The following RUNX1T1 variants were observed in gnomAD, a reference collection of about 807,000 sequenced individuals.
The protein encoded by RUNX1T1 is protein CBFA2T1.
A neutral mutation model predicts 62.8 loss-of-function variants in RUNX1T1; 4 were observed. That is an observed-to-expected ratio of 0.06 (90% CI 0.03 to 0.15). The LOEUF (loss-of-function observed/expected upper bound fraction) is 0.15, where lower values mean the gene tolerates loss of function less well. Among genes scored for constraint, RUNX1T1 ranks in the 10% least tolerant of loss-of-function variants. RUNX1T1 has a pLI of 1.00. For missense variants in RUNX1T1, 508 were observed against 754.3 expected, an observed-to-expected ratio of 0.67 and a Z score of 3.82; for synonymous variants, 291 against 286.0, an observed-to-expected ratio of 1.02 and a Z score of -0.18.
At chr8:91,998,387 G>C (rs1054451362) in intron 5 of RUNX1T1, among the ~76,000 whole-genome samples, 4 of 152,172 alleles carry the variant, frequency 2.6e-5, no homozygotes, top group African/African-American at 9.7e-5. Flanking sequence ...GAATGCCACA[G>C]GACCATCATT....
intron 10 of RUNX1T1, among the ~76,000 whole-genome samples, chr8:91,961,852 T>G (rs577042462): frequency 6.6e-6 from 1 of 152,330 alleles, no homozygotes; most frequent in African/African-American, 2.4e-5. Context: ...CTGACTACAA[T>G]CTGGTAACCC....
At chr8:91,989,870 C>T (rs191478941) in intron 6 of RUNX1T1, among the ~76,000 whole-genome samples, 96 of 152,226 alleles carry the variant, frequency 6.3e-4, no homozygotes, top group Admixed American at 1.4e-3. Flanking sequence ...ATGGTACCTG[C>T]GAGAACATTA....
chr8:91,958,554 C>A (rs566210600), downstream of RUNX1T1: 1 of 185,484 alleles, frequency 5.4e-6, no homozygotes, highest in East Asian at 8.6e-5. Context: ...AACGACCTTA[C>A]AGCAATATGC....
At chr8:92,041,957 T>C (rs1828552133) in intron 1 of RUNX1T1, among the ~76,000 whole-genome samples, 2 of 151,788 alleles carry the variant, frequency 1.3e-5, no homozygotes, top group South Asian at 4.2e-4. Context: ...TAGCTGGGAT[T>C]ACAGGCAACC....
At chr8:92,016,792 T>C (rs1823097277) in intron 2 of RUNX1T1, among the ~76,000 whole-genome samples, 5 of 152,236 alleles carry the variant, frequency 3.3e-5, no homozygotes, top group African/African-American at 7.2e-5. Flanking sequence ...TTTAACATTA[T>C]TTGTAACCAC....
intron 1 of RUNX1T1, among the ~76,000 whole-genome samples, chr8:92,048,433 C>A (rs74871082): frequency 0.061 from 9,354 of 152,126 alleles, 383 homozygotes; most frequent in Non-Finnish European, 0.094. Flanking sequence ...AATCTCAACA[C>A]TTTGAGAACC....
intron 10 of RUNX1T1, among the ~76,000 whole-genome samples, chr8:91,962,977 C>T (rs1277248378): frequency 2.6e-5 from 4 of 152,148 alleles, no homozygotes; most frequent in Non-Finnish European, 5.9e-5. Flanking sequence ...TCAATTTAAA[C>T]TGATTAAACA....
At chr8:91,990,868 G>C (rs758139624) in intron 6 of RUNX1T1, among the ~76,000 whole-genome samples, 2 of 152,034 alleles carry the variant, frequency 1.3e-5, no homozygotes, top group Non-Finnish European at 2.9e-5. Flanking sequence ...ATAATGCCCA[G>C]GCTGGTCTCA....
chr8:92,016,676 C>T lies in RUNX1T1; in HGVS notation c.145+550G>A, dbSNP rs149062724. ...GGTGACAGAGCGAGATTCTGTCCTCCCCCTCCACCCAAAAAAAAGGGCAAG... is the reference window on the plus strand; with the variant it reads ...GGTGACAGAGCGAGATTCTGTCCTCTCCCTCCACCCAAAAAAAAGGGCAAG... On this transcript the variant is annotated intron_variant, in intron 2 of 10. Transcript: ENST00000396218. 4.3e-4 allele frequency among the ~76,000 whole-genome samples: 65 copies of T among 152,044 alleles called. No homozygotes were observed. In the East Asian group the frequency reaches 8.1e-3, roughly 19 times the overall value.
intron 8 of RUNX1T1, among the ~76,000 whole-genome samples, chr8:91,982,791 C>T (rs564622039): frequency 6.6e-6 from 1 of 151,866 alleles, no homozygotes; most frequent in African/African-American, 2.4e-5. Context: ...AAAAGTCCTT[C>T]AAGATGTCAA....
At chr8:92,067,021 G>T (rs1199905391), upstream of RUNX1T1, among the ~76,000 whole-genome samples, 1 of 152,180 alleles carries the variant, frequency 6.6e-6, no homozygotes, top group Non-Finnish European at 1.5e-5. Flanking sequence ...CCAGCCCGCA[G>T]AACTCACAAG....
At chr8:92,066,961 T>C (rs1391021698), upstream of RUNX1T1, among the ~76,000 whole-genome samples, 1 of 152,210 alleles carries the variant, frequency 6.6e-6, no homozygotes, top group Non-Finnish European at 1.5e-5. Flanking sequence ...CCTCAAATAT[T>C]TCCTTTGGGG....
At chr8:92,073,867 T>C (rs1327300849) in intron 2 of RUNX1T1, among the ~76,000 whole-genome samples, 1 of 152,092 alleles carries the variant, frequency 6.6e-6, no homozygotes, top group Non-Finnish European at 1.5e-5. Flanking sequence ...CGCCTGAATT[T>C]TTAATTTTTT....
chr8:92,062,589 TCCTA>T, exon 1 of RUNX1T1: 1 of 1,614,060 alleles, frequency 6.2e-7, no homozygotes. Context: ...AGTGGCTGTC[TCCTA>T]AAAGCAAGCG....
At chr8:92,083,296 C>G (rs187377034) in intron 1 of RUNX1T1, among the ~76,000 whole-genome samples, 4 of 152,196 alleles carry the variant, frequency 2.6e-5, no homozygotes, top group Non-Finnish European at 4.4e-5. Context: ...AAGAAACTAC[C>G]ATCAGAGTGA....
chr8:92,008,388 TCACACACACACACACA>T (rs566293413), intron 4 of RUNX1T1, among the ~76,000 whole-genome samples: 38 of 131,964 alleles, frequency 2.9e-4, no homozygotes, highest in South Asian at 2.2e-3. Flanking sequence ...TCTCTCTCTC[TCACACACACACACACA>T]CACACACACA....
intron 1 of RUNX1T1, chr8:92,095,354 C>A: frequency 1.3e-6 from 2 of 1,534,664 alleles, no homozygotes; most frequent in African/African-American, 1.4e-5. Flanking sequence ...TACCTTCTGG[C>A]AAAGGAGCGC....
In RUNX1T1 at chr8:92,077,254, T is replaced by C. The variant is rs566920832; in HGVS notation, c.-85-1117A>G. On this transcript the variant is annotated intron_variant, in intron 1 of 11. Coordinates refer to the RUNX1T1 transcript ENST00000265814. ...AAATACATTACTAGATATTTCTTAG[T>C]TGGGAATTGCCTTGCAGTAAGCAAA... Among the ~76,000 whole-genome samples, 7 of 152,218 alleles carry C rather than the reference T, an allele frequency of 4.6e-5. No individual in the cohort carries two copies. In the East Asian group the frequency reaches 1.2e-3, roughly 25 times the overall value.
At chr8:92,012,179 G>A (rs1029414194) in intron 3 of RUNX1T1, among the ~76,000 whole-genome samples, 2 of 152,194 alleles carry the variant, frequency 1.3e-5, no homozygotes, top group Admixed American at 6.5e-5. Context: ...CTTCCTATGT[G>A]TAACAATAAA....
Sources: allele counts gnomAD v4.1 joint callset (sites outside exome capture counted in the v4.1 genomes callset), GRCh38; gene constraint gnomAD v4.1.1; transcripts MANE v1.5; gene names NCBI Gene and HGNC (gene_info 2026-07-23, HGNC 2026-07-21).